NCOR1: variants seen among roughly 807,000 people sequenced by gnomAD.
NCOR1 encodes the protein protein phosphatase 1, regulatory subunit 109.
In NCOR1, 63 loss-of-function variants were observed where a neutral mutation model predicts 288.1. That is an observed-to-expected ratio of 0.22 (90% CI 0.18 to 0.27). The LOEUF (loss-of-function observed/expected upper bound fraction) is 0.27. NCOR1 is among the 10% of genes least tolerant of loss of function. The pLI is 1.00. For synonymous variants in NCOR1, 1,007 were observed against 1,065.9 expected (o/e 0.94, Z 1.08); for missense variants, 2,397 against 3,019.2 (o/e 0.79, Z 4.83).
chr17:16,116,795 T>G (rs1169441781), intron 18 of NCOR1, among the ~76,000 whole-genome samples: 1 of 152,210 alleles, frequency 6.6e-6, no homozygotes, highest in South Asian at 2.1e-4. Flanking sequence ...TTAATAAAAT[T>G]AACTTTTACT....
intron 26 of NCOR1, among the ~76,000 whole-genome samples, chr17:16,078,578 G>A (rs1394645014): frequency 2.7e-5 from 3 of 112,328 alleles, no homozygotes; most frequent in Non-Finnish European, 4.0e-5. Flanking sequence ...TATAAATGGA[G>A]ACTTTTTTTT....
chr17:16,212,281 GA>G (rs202140696), intron 1 of NCOR1, among the ~76,000 whole-genome samples: 50 of 144,532 alleles, frequency 3.5e-4, no homozygotes, highest in South Asian at 2.0e-3. Flanking sequence ...GAAAAAAAAA[GA>G]AAAAAAAAAG....
intron 42 of NCOR1, chr17:16,046,745 C>G: frequency 2.0e-6 from 1 of 500,638 alleles, no homozygotes; most frequent in Non-Finnish European, 3.4e-6. Flanking sequence ...AGAAACGGCA[C>G]AGCTTCAGAA....
intron 21 of NCOR1, among the ~76,000 whole-genome samples, chr17:16,095,863 T>C (rs1220037327): frequency 6.6e-6 from 1 of 151,808 alleles, no homozygotes; most frequent in African/African-American, 2.4e-5. Context: ...ATGATGACGA[T>C]GGCGGTTTTG....
At chr17:16,047,488 A>G (rs1027882701) in intron 41 of NCOR1, among the ~76,000 whole-genome samples, 1 of 152,222 alleles carries the variant, frequency 6.6e-6, no homozygotes, top group Non-Finnish European at 1.5e-5. Context: ...AATTAGTTTT[A>G]AGTACACTAA....
chr17:16,121,399 ATT>A, intron 15 of NCOR1, 130 bp from the exon 16 acceptor site: 5 of 718,688 alleles, frequency 7.0e-6, no homozygotes, highest in Non-Finnish European at 8.5e-6. Context: ...AAAAAAAAAA[ATT>A]ATCAACAATT....
Position 16,117,841 on chromosome 17 carries a change from C to T in NCOR1, c.2055+47G>A, listed in dbSNP as rs781075218. The T allele has an allele frequency of 9.5e-6, 15 of 1,581,244 alleles. No homozygotes were observed. In the African/African-American group the frequency reaches 1.1e-4, roughly 11 times the overall value. ...CATCTCAAACAACAACAACAACACT[C>T]TAAGTAAAAAACAGTAAGTAAAGAG... On this transcript the variant is annotated intron_variant, in intron 18 of 45. Transcript: ENST00000268712.
chr17:16,162,454 C>A (rs1324075237), intron 5 of NCOR1, among the ~76,000 whole-genome samples: 3 of 146,008 alleles, frequency 2.1e-5, no homozygotes. Context: ...TCAGGTTGGA[C>A]AGATTTAAAA....
intron 8 of NCOR1, among the ~76,000 whole-genome samples, chr17:16,149,838 T>C (rs576582755): frequency 2.0e-5 from 3 of 152,148 alleles, no homozygotes; most frequent in Admixed American, 6.5e-5. Context: ...TCTGGTGACA[T>C]AAACATCTTA....
chr17:16,118,031 C>T lies in NCOR1; in HGVS notation c.1916-4G>A. Reference sequence around the variant, plus strand: ...TTACGACCATGTTCTACTAGACCTGCATTTTAAAAACAGACCAAATGTTAA... The same window carrying T: ...TTACGACCATGTTCTACTAGACCTGTATTTTAAAAACAGACCAAATGTTAA... On this transcript the variant is annotated splice_region_variant and splice_polypyrimidine_tract_variant and intron_variant, in intron 17 of 45. Coordinates refer to ENST00000268712, the MANE Select transcript of NCOR1 (RefSeq NM_006311.4). 6.2e-7 allele frequency: 1 copy of T among 1,609,480 alleles called. No homozygotes were observed. Among genetic ancestry groups the T allele is most frequent in the Non-Finnish European group, 8.5e-7 (1 of 1,178,492 alleles).
At chr17:16,142,945 T>C (rs567658114) in intron 11 of NCOR1, among the ~76,000 whole-genome samples, 1 of 152,346 alleles carries the variant, frequency 6.6e-6, no homozygotes, top group Non-Finnish European at 1.5e-5. Flanking sequence ...CCTTAAAAAT[T>C]AGTGAAATGG....
At chr17:16,037,438 T>C (rs976789719) in intron 44 of NCOR1, among the ~76,000 whole-genome samples, 3 of 151,102 alleles carry the variant, frequency 2.0e-5, no homozygotes, top group African/African-American at 7.3e-5. Flanking sequence ...TAAAACGAGG[T>C]ATGCTTGCAT....
At chr17:16,211,757 A>T (rs1385189136) in intron 1 of NCOR1, among the ~76,000 whole-genome samples, 1 of 152,168 alleles carries the variant, frequency 6.6e-6, no homozygotes, top group Non-Finnish European at 1.5e-5. Context: ...GTAGGAAAAA[A>T]ATGGTAGAAG....
At position 16,075,690 on chromosome 17, in the gene NCOR1, G is replaced by A. The variant is rs1246409360; in HGVS notation, c.3514C>T (p.Leu1172=). Reference sequence around the variant, plus strand: ...TCTGTTGGTATGCCAGTCTGGGGCAGAGCCGGGGTGCCCTGCCATCAAATC... The same window carrying A: ...TCTGTTGGTATGCCAGTCTGGGGCAAAGCCGGGGTGCCCTGCCATCAAATC... The part of the protein sequence containing the change: ...RGSITQGTPA[L]PQTGIPTEAL... Residue 1172 remains leucine (L), a synonymous_variant, in exon 27 of 46, where the codon CTG becomes TTG. Coordinates refer to ENST00000268712, the MANE Select transcript of NCOR1 (RefSeq NM_006311.4). The A allele has an allele frequency of 4.3e-6, 7 of 1,614,026 alleles. No homozygotes were observed. The highest frequency in any genetic ancestry group is 5.9e-6 in the Non-Finnish European group (7 of 1,180,022).
intron 3 of NCOR1, among the ~76,000 whole-genome samples, chr17:16,183,088 G>C (rs2153513616): frequency 6.6e-6 from 1 of 151,106 alleles, no homozygotes; most frequent in East Asian, 1.9e-4. Context: ...TAATCAATAG[G>C]GAAATACTGA....
At chr17:16,057,346 G>A (rs1247467146) in intron 40 of NCOR1, 168 bp downstream of exon 40, 3 of 643,330 alleles carry the variant, frequency 4.7e-6, no homozygotes, top group Non-Finnish European at 8.0e-6. Flanking sequence ...TGCCAAGACA[G>A]TGGACATTCT....
rs1218055057 is a variant in NCOR1, at chr17:16,127,199, ATGTATGTATATATC to A, written c.1510-1007_1510-994del. ...TGTATATATCTGTATGTATATATAC[ATGTATGTATATATC>A]TGTATGTATATATACATGTATGCAT... On this transcript the variant is annotated intron_variant, in intron 14 of 45. Coordinates refer to ENST00000268712, the MANE Select transcript of NCOR1 (RefSeq NM_006311.4). Among the ~76,000 whole-genome samples, 9 of 137,074 alleles carry A rather than the reference ATGTATGTATATATC, an allele frequency of 6.6e-5. 1 individual carries two copies. Among genetic ancestry groups the A allele is most frequent in the East Asian group, 6.2e-4 (3 of 4,808 alleles). The allele number at this position is 137,074 out of a possible 152,430, so 89.9% of individuals were successfully genotyped here.
intron 21 of NCOR1, among the ~76,000 whole-genome samples, chr17:16,095,255 C>T (rs2066221427): frequency 6.7e-6 from 1 of 149,806 alleles, no homozygotes; most frequent in South Asian, 2.1e-4. Flanking sequence ...GGCCCGGCCG[C>T]GACCCCGTCT....
At chr17:16,112,682 G>A (rs2070548265) in intron 18 of NCOR1, among the ~76,000 whole-genome samples, 1 of 152,034 alleles carries the variant, frequency 6.6e-6, no homozygotes, top group Non-Finnish European at 1.5e-5. Context: ...GTAGAGACAG[G>A]GTTTCACCAC....
Sources: gnomAD v4.1 joint callset for allele counts (sites outside exome capture counted in the v4.1 genomes callset) on GRCh38, gnomAD v4.1.1 for gene constraint, MANE v1.5 for transcripts, NCBI Gene and HGNC (gene_info 2026-07-23, HGNC 2026-07-21) for gene names.